DNAAF9: variants seen among roughly 807,000 people sequenced by gnomAD.
DNAAF9 encodes the protein dynein axonemal assembly factor 9.
In DNAAF9, 90 loss-of-function variants were observed where a neutral mutation model predicts 167.0. The observed-to-expected ratio is 0.54, with a 90% CI of 0.45 to 0.64. The LOEUF (loss-of-function observed/expected upper bound fraction) is 0.64. DNAAF9 is among the 30% of genes least tolerant of loss of function. The pLI, the probability that DNAAF9 is intolerant of heterozygous loss-of-function variation, is 0.00. For synonymous variants in DNAAF9, 491 were observed against 508.8 expected, an observed-to-expected ratio of 0.96 and a Z score of 0.47; for missense variants, 1,315 against 1,442.2, an observed-to-expected ratio of 0.91 and a Z score of 1.43.
chr20:3,400,624 C>G (rs761082991), intron 1 of DNAAF9, among the ~76,000 whole-genome samples: 1 of 152,124 alleles, frequency 6.6e-6, no homozygotes, highest in African/African-American at 2.4e-5. Context: ...GCAAACCCTG[C>G]TTTGCTTTTC....
At chr20:3,264,885 C>A (rs1268111125) in intron 30 of DNAAF9, among the ~76,000 whole-genome samples, 1 of 152,156 alleles carries the variant, frequency 6.6e-6, no homozygotes, top group Non-Finnish European at 1.5e-5. Flanking sequence ...ACTTTACCTG[C>A]ACGTTTTGTT....
intron 29 of DNAAF9, among the ~76,000 whole-genome samples, chr20:3,273,770 C>T (rs1046182287): frequency 6.6e-6 from 1 of 152,186 alleles, no homozygotes; most frequent in African/African-American, 2.4e-5. Context: ...CAGAAGTGTT[C>T]ACAAAGAAAA....
intron 7 of DNAAF9, among the ~76,000 whole-genome samples, chr20:3,349,537 G>C (rs939639888): frequency 6.6e-6 from 1 of 152,122 alleles, no homozygotes; most frequent in Non-Finnish European, 1.5e-5. Flanking sequence ...GTTGACTTTA[G>C]TTAAAGGGAA....
At chr20:3,263,636 T>C (rs187651917) in intron 31 of DNAAF9, among the ~76,000 whole-genome samples, 54 of 152,250 alleles carry the variant, frequency 3.5e-4, no homozygotes, top group Admixed American at 3.0e-3. Context: ...CTTCACAGGA[T>C]TGGTGTAAAT....
intron 25 of DNAAF9, among the ~76,000 whole-genome samples, chr20:3,293,938 G>A (rs974082835): frequency 2.6e-5 from 4 of 152,110 alleles, no homozygotes; most frequent in Non-Finnish European, 5.9e-5. Flanking sequence ...GGCTTGGCTG[G>A]GGTTAATGTA....
At chr20:3,394,589 A>C (rs1323480075) in intron 1 of DNAAF9, among the ~76,000 whole-genome samples, 1 of 152,212 alleles carries the variant, frequency 6.6e-6, no homozygotes, top group African/African-American at 2.4e-5. Flanking sequence ...AAAAACATTT[A>C]GTTCTTTATT....
At chr20:3,360,116 CAAATTTG>C (rs1568627073) in intron 6 of DNAAF9, 1 of 152,170 alleles carries the variant, frequency 6.6e-6, no homozygotes, top group Non-Finnish European at 1.5e-5. Context: ...GGATGACATG[CAAATTTG>C]TGAAGCATTC....
intron 5 of DNAAF9, 25 bp from the exon 6 acceptor site, chr20:3,374,179 C>CAT (rs758130979): frequency 2.8e-5 from 41 of 1,440,814 alleles, no homozygotes; most frequent in Non-Finnish European, 4.0e-5. Flanking sequence ...TACAACAACA[C>CAT]ATATCAGATA....
At chr20:3,391,452 A>G (rs903965375) in intron 1 of DNAAF9, among the ~76,000 whole-genome samples, 3 of 152,122 alleles carry the variant, frequency 2.0e-5, no homozygotes, top group Admixed American at 6.5e-5. Context: ...TGTATGTTGA[A>G]TATTTACTGT....
At chr20:3,362,135 T>C in intron 6 of DNAAF9, 2 of 1,393,768 alleles carry the variant, frequency 1.4e-6, no homozygotes, top group South Asian at 1.2e-5. Context: ...AGGCTGTATA[T>C]TCGGTTTTCA....
rs561864621 is a variant in DNAAF9, at chr20:3,265,661, T to C, written c.2787-1137A>G. Reference sequence around the variant, plus strand: ...TGGTGTGGTTGTTATTACTTTGATATACAGATACATTCCTTTTTTTTTTTT... The same window carrying C: ...TGGTGTGGTTGTTATTACTTTGATACACAGATACATTCCTTTTTTTTTTTT... On this transcript the variant is annotated intron_variant, in intron 30 of 36. Coordinates refer to ENST00000252032, the MANE Select transcript of DNAAF9 (RefSeq NM_001009984.3). 2.7e-5 allele frequency among the ~76,000 whole-genome samples: 4 copies of C among 150,856 alleles called. No homozygotes were observed. The East Asian group carries it at 7.9e-4, about 30-fold the overall frequency.
chr20:3,265,738 C>T (rs1288475889), intron 30 of DNAAF9, among the ~76,000 whole-genome samples: 3 of 144,966 alleles, frequency 2.1e-5, no homozygotes, highest in African/African-American at 5.2e-5. Context: ...AGTGAAATGG[C>T]GTGATCTCGT....
At chr20:3,344,286 A>G (rs757533863) in intron 8 of DNAAF9, among the ~76,000 whole-genome samples, 2 of 152,218 alleles carry the variant, frequency 1.3e-5, no homozygotes, top group Non-Finnish European at 2.9e-5. Context: ...GCTAAACACT[A>G]ATCAAAACTT....
intron 20 of DNAAF9, among the ~76,000 whole-genome samples, chr20:3,312,297 TA>T (rs903428017): frequency 2.0e-5 from 3 of 152,140 alleles, no homozygotes; most frequent in African/African-American, 7.2e-5. Flanking sequence ...CAGGAAGTAC[TA>T]TTCTTTTCAT....
At chr20:3,357,051 G>A (rs1275038087) in intron 7 of DNAAF9, among the ~76,000 whole-genome samples, 1 of 152,130 alleles carries the variant, frequency 6.6e-6, no homozygotes, top group Non-Finnish European at 1.5e-5. Flanking sequence ...TGCTTTCCAT[G>A]CAGTGAATTC....
intron 20 of DNAAF9, among the ~76,000 whole-genome samples, chr20:3,311,992 T>C (rs2069421978): frequency 8.3e-6 from 1 of 120,006 alleles, no homozygotes; most frequent in Non-Finnish European, 1.9e-5. Flanking sequence ...TTTTCTTTTT[T>C]TTCTTTTTTT....
In DNAAF9 at chr20:3,388,488, G is replaced by A. The variant is rs543888336; in HGVS notation, c.84-5982C>T. ...TAAATTCCAAAGAATTGAAAGCAGG[G>A]ACTGAAAGAGATACCTGTATACCCA... On this transcript the variant is annotated intron_variant, in intron 1 of 36. Coordinates refer to ENST00000252032, the MANE Select transcript of DNAAF9 (RefSeq NM_001009984.3). 2.6e-5 allele frequency among the ~76,000 whole-genome samples: 4 copies of A among 152,136 alleles called. No individual in the cohort carries two copies. In the East Asian group the frequency reaches 7.7e-4, roughly 29 times the overall value.
At chr20:3,384,371 T>C (rs2083704205) in intron 1 of DNAAF9, 1 of 152,202 alleles carries the variant, frequency 6.6e-6, no homozygotes, top group East Asian at 1.9e-4. Context: ...TTGCTGCAAC[T>C]GCCATTCGTC....
chr20:3,287,141 G>C (rs543471364), intron 27 of DNAAF9, among the ~76,000 whole-genome samples: 2 of 152,156 alleles, frequency 1.3e-5, no homozygotes, highest in Non-Finnish European at 2.9e-5. Context: ...TCTGCACACA[G>C]CCATGAAAGG....
Sources: gnomAD v4.1 joint callset for allele counts (sites outside exome capture counted in the v4.1 genomes callset) on GRCh38, gnomAD v4.1.1 for gene constraint, MANE v1.5 for transcripts, NCBI Gene and HGNC (gene_info 2026-07-23, HGNC 2026-07-21) for gene names.